The following ROBO1 variants were observed in gnomAD, a reference collection of about 807,000 sequenced individuals.
The protein encoded by ROBO1 is roundabout homolog 1.
In ROBO1, 149 loss-of-function variants were observed where a neutral mutation model predicts 195.9. That is an observed-to-expected ratio of 0.76 (90% CI 0.67 to 0.87). The LOEUF (loss-of-function observed/expected upper bound fraction) is 0.87. ROBO1 is among the 40% of genes least tolerant of loss of function. The probability of loss-of-function intolerance (pLI) is 0.00; values close to 1 mark genes in which losing one functional copy is unlikely to be tolerated. For missense variants in ROBO1, 1,933 were observed against 2,068.3 expected, an observed-to-expected ratio of 0.93 and a Z score of 1.27; for synonymous variants, 816 against 733.2, an observed-to-expected ratio of 1.11 and a Z score of -1.82.
At chr3:79,428,406 C>G (rs986494850) in intron 2 of ROBO1, among the ~76,000 whole-genome samples, 3 of 152,062 alleles carry the variant, frequency 2.0e-5, no homozygotes, top group Non-Finnish European at 2.9e-5. Flanking sequence ...GTGCTTAGCA[C>G]AGTGCCTGTG....
At chr3:78,960,315 C>A (rs2041269581) in intron 3 of ROBO1, among the ~76,000 whole-genome samples, 3 of 149,872 alleles carry the variant, frequency 2.0e-5, no homozygotes, top group African/African-American at 7.3e-5. Flanking sequence ...TAGCAATATA[C>A]TTTTATAATA....
chr3:79,167,400 A>G (rs1420550778), intron 2 of ROBO1, among the ~76,000 whole-genome samples: 2 of 152,202 alleles, frequency 1.3e-5, no homozygotes, highest in Non-Finnish European at 2.9e-5. Flanking sequence ...CTTTGTGTAC[A>G]TCCACATTGT....
intron 10 of ROBO1, among the ~76,000 whole-genome samples, chr3:78,683,042 T>C (rs979494566): frequency 6.6e-6 from 1 of 152,034 alleles, no homozygotes; most frequent in Non-Finnish European, 1.5e-5. Flanking sequence ...TTGGCAATAA[T>C]GGACATATTT....
intron 2 of ROBO1, among the ~76,000 whole-genome samples, chr3:79,409,907 A>T (rs768867601): frequency 4.6e-5 from 7 of 152,058 alleles, no homozygotes; most frequent in Non-Finnish European, 7.4e-5. Flanking sequence ...CTCAACTTTC[A>T]ATTTTTTTTC....
At chr3:79,628,228 C>G (rs1190823088) in intron 1 of ROBO1, among the ~76,000 whole-genome samples, 1 of 152,100 alleles carries the variant, frequency 6.6e-6, no homozygotes, top group South Asian at 2.1e-4. Flanking sequence ...AGACTTGGAA[C>G]AAACCCAAAT....
At chr3:79,764,433 T>G (rs1704875477) in intron 1 of ROBO1, among the ~76,000 whole-genome samples, 1 of 152,160 alleles carries the variant, frequency 6.6e-6, no homozygotes, top group South Asian at 2.1e-4. Flanking sequence ...TCAGTTGAGT[T>G]TAGGTGGCAA....
intron 7 of ROBO1, 43 bp from the exon 8 acceptor site, chr3:78,714,567 C>T (rs773309777): frequency 4.4e-5 from 69 of 1,563,820 alleles, no homozygotes; most frequent in South Asian, 7.2e-5. Flanking sequence ...TGACTTTCTA[C>T]TTGAAAGATC....
At chr3:78,652,133 A>G (rs1368860552) in intron 18 of ROBO1, among the ~76,000 whole-genome samples, 1 of 152,200 alleles carries the variant, frequency 6.6e-6, no homozygotes, top group Non-Finnish European at 1.5e-5. Context: ...ACTCAAAGCA[A>G]GTGTGACAAT....
At chr3:79,632,900 A>G (rs1945385623) in intron 1 of ROBO1, among the ~76,000 whole-genome samples, 1 of 152,178 alleles carries the variant, frequency 6.6e-6, no homozygotes, top group African/African-American at 2.4e-5. Context: ...TTTTAATCCT[A>G]AATGAAGAGC....
At chr3:79,113,397 T>C (rs1407572642) in intron 3 of ROBO1, among the ~76,000 whole-genome samples, 1 of 151,948 alleles carries the variant, frequency 6.6e-6, no homozygotes, top group Admixed American at 6.6e-5. Flanking sequence ...TTTTTTTTTT[T>C]AATAGAAAGA....
At chr3:79,109,989 C>A (rs966511675) in intron 3 of ROBO1, among the ~76,000 whole-genome samples, 2 of 152,072 alleles carry the variant, frequency 1.3e-5, no homozygotes, top group East Asian at 3.9e-4. Flanking sequence ...AAGCTTACTG[C>A]AGATGACCCC....
chr3:78,879,420 C>T (rs2036047260), intron 4 of ROBO1, among the ~76,000 whole-genome samples: 1 of 152,024 alleles, frequency 6.6e-6, no homozygotes, highest in African/African-American at 2.4e-5. Context: ...TATTTCCACT[C>T]ATGGCTTGAC....
chr3:79,433,256 C>A (rs1161163051), intron 2 of ROBO1, among the ~76,000 whole-genome samples: 1 of 152,120 alleles, frequency 6.6e-6, no homozygotes, highest in African/African-American at 2.4e-5. Context: ...ATTCAGCTCC[C>A]ACTTAAAAGT....
At chr3:79,672,979 C>G (rs533198783) in intron 1 of ROBO1, among the ~76,000 whole-genome samples, 1 of 151,846 alleles carries the variant, frequency 6.6e-6, no homozygotes, top group Non-Finnish European at 1.5e-5. Context: ...CTCTCAAGAG[C>G]GAGCAATGCC....
At chr3:78,691,750 T>C (rs2081180788) in intron 8 of ROBO1, among the ~76,000 whole-genome samples, 1 of 152,148 alleles carries the variant, frequency 6.6e-6, no homozygotes, top group Non-Finnish European at 1.5e-5. Context: ...TCACAAACAT[T>C]GAAAATTAAC....
intron 3 of ROBO1, among the ~76,000 whole-genome samples, chr3:79,088,228 G>T (rs1226160259): frequency 6.6e-6 from 1 of 152,014 alleles, no homozygotes; most frequent in Admixed American, 6.6e-5. Context: ...CTTCTAAATT[G>T]ATTTAGAATT....
At chr3:79,050,365 G>T (rs2078673942) in intron 3 of ROBO1, among the ~76,000 whole-genome samples, 1 of 152,138 alleles carries the variant, frequency 6.6e-6, no homozygotes, top group Non-Finnish European at 1.5e-5. Context: ...AAATATATAT[G>T]CATCCAATAC....
chr3:79,333,759 C>G (rs1161013841), intron 2 of ROBO1, among the ~76,000 whole-genome samples: 1 of 152,148 alleles, frequency 6.6e-6, no homozygotes, highest in Non-Finnish European at 1.5e-5. Flanking sequence ...GAAATAAACA[C>G]TGGGTTGAAT....
intron 3 of ROBO1, among the ~76,000 whole-genome samples, chr3:79,110,539 G>A (rs930689390): frequency 1.3e-5 from 2 of 150,486 alleles, no homozygotes; most frequent in African/African-American, 2.5e-5. Context: ...GATGCTAGTT[G>A]TTGGCCACAG....
Sources: allele counts gnomAD v4.1 joint callset (sites outside exome capture counted in the v4.1 genomes callset), GRCh38; gene constraint gnomAD v4.1.1; transcripts MANE v1.5; gene names NCBI Gene and HGNC (gene_info 2026-07-23, HGNC 2026-07-21).